CERCAM: variants seen among roughly 807,000 people sequenced by gnomAD.
CERCAM encodes inactive glycosyltransferase 25 family member 3.
CERCAM carries 59 observed loss-of-function variants against 66.0 expected under a neutral mutation model. The observed-to-expected ratio is 0.89, with a 90% CI of 0.73 to 1.11. The LOEUF is 1.11. Ranked by LOEUF, CERCAM falls within the 50% of genes most tolerant of loss-of-function variation. The pLI, the probability that CERCAM is intolerant of heterozygous loss-of-function variation, is 0.00. For synonymous variants in CERCAM, 318 were observed against 343.6 expected, an observed-to-expected ratio of 0.93 and a Z score of 0.83; for missense variants, 840 against 828.3, an observed-to-expected ratio of 1.01 and a Z score of -0.17.
chr9:128,421,390 CCAG>C (rs1833706098), intron 1 of CERCAM: 1 of 1,113,872 alleles, frequency 9.0e-7, no homozygotes, highest in Admixed American at 5.0e-5. Flanking sequence ...CCTTCAGGGC[CCAG>C]CTCAACCCCA....
intron 3 of CERCAM, 25 bp from the exon 4 acceptor site, chr9:128,424,113 A>C (rs1833778488): frequency 6.2e-7 from 1 of 1,609,996 alleles, no homozygotes; most frequent in African/African-American, 1.3e-5. Flanking sequence ...GCAGGGCTGG[A>C]GCCTGTGACG....
chr9:128,423,709 C>G (rs898247547), intron 3 of CERCAM, among the ~76,000 whole-genome samples: 1 of 152,056 alleles, frequency 6.6e-6, no homozygotes. Flanking sequence ...AGAGCCCAGA[C>G]CAGATGTTCA....
intron 9 of CERCAM, among the ~76,000 whole-genome samples, chr9:128,432,439 C>A (rs1392411122): frequency 2.1e-5 from 3 of 145,948 alleles, no homozygotes; most frequent in African/African-American, 7.7e-5. Flanking sequence ...GGCGGGAGTG[C>A]AGTGGCGTGA....
Position 128,431,309 on chromosome 9 carries a change from G to A in CERCAM, c.1203+6G>A, listed in dbSNP as rs1473824515. On this transcript the variant is annotated splice_donor_region_variant and intron_variant, in intron 9 of 12. Transcript: ENST00000372838. ...ATTACTCCATCTGGGAAGAGGTGAG[G>A]GTGCCTGCTTCCTCCATCCACAGCC... 6.8e-6 allele frequency: 11 copies of A among 1,613,916 alleles called. No homozygotes were observed. Among genetic ancestry groups the A allele is most frequent in the Admixed American group, 3.3e-5 (2 of 60,002 alleles).
rs144721980 is a variant in CERCAM at position 128,428,416 on chromosome 9, C to G, written c.881C>G (p.Ala294Gly). 8.7e-6 allele frequency: 14 copies of G among 1,613,940 alleles called. No individual in the cohort carries two copies. In the African/African-American group the frequency reaches 1.9e-4, roughly 22 times the overall value. ...AACTTCATCCACCTGATCTTAGAAG[C>G]ACTAGGTGAGGGCTGGGGAACTGTT... ...RVNFIHLILE[A>G]LVDGPRMQAS... Residue 294 changes from alanine (A) to glycine (G), a missense_variant, in exon 6 of 13, where the codon GCA becomes GGA. Transcript: ENST00000372838.
rs1834070375 is a variant in CERCAM, at chr9:128,434,775, T to TA, written c.1535+163dup. On this transcript the variant is annotated intron_variant, in intron 11 of 12. Transcript: ENST00000372838. The surrounding 1 kb of genome is among the most constrained non-coding windows in gnomAD (Gnocchi z 4.5). Reference sequence around the variant, plus strand: ...ACCAAGGAGTGGCTCAGCCTAGCCTTAGAGTCAGTCCATTCTCGGTGTGTA... The same window carrying TA: ...ACCAAGGAGTGGCTCAGCCTAGCCTTAAGAGTCAGTCCATTCTCGGTGTGTA... Among the ~76,000 whole-genome samples the TA allele has an allele frequency of 6.6e-6, 1 of 152,008 alleles. No individual in the cohort carries two copies. Among genetic ancestry groups the TA allele is most frequent in the Non-Finnish European group, 1.5e-5 (1 of 68,004 alleles).
rs1187490111 is a variant in CERCAM, at chr9:128,431,298, G to A, written c.1198G>A (p.Glu400Lys). ...GCFLSHYSIW[E>K]EVVARGLARV... Reference sequence around the variant, plus strand: ...CTTCCTCAGCCATTACTCCATCTGGGAAGAGGTGAGGGTGCCTGCTTCCTC... The same window carrying A: ...CTTCCTCAGCCATTACTCCATCTGGAAAGAGGTGAGGGTGCCTGCTTCCTC... Residue 400 changes from glutamate to lysine, a missense_variant, in exon 9 of 13, where the codon GAA becomes AAA. Transcript: ENST00000372838. 6.2e-7 allele frequency: 1 copy of A among 1,613,994 alleles called. No homozygotes were observed. The highest frequency in any genetic ancestry group is 2.2e-5 in the East Asian group (1 of 44,882).
intron 8 of CERCAM, chr9:128,430,940 T>G (rs1588625344): frequency 4.7e-6 from 2 of 427,908 alleles, no homozygotes; most frequent in Non-Finnish European, 4.1e-6. Flanking sequence ...ACCTGGGAGG[T>G]AGAGGTTTCA....
chr9:128,423,194 C>G lies in CERCAM; in HGVS notation c.357C>G (p.His119Gln), dbSNP rs768992825. The G allele has an allele frequency of 4.3e-6, 7 of 1,614,116 alleles. No individual in the cohort carries two copies. In the East Asian group the frequency reaches 1.6e-4, roughly 36 times the overall value. ...EGPKHWTKER[H>Q]QFLMELKQEA... ...CCAAGCACTGGACCAAAGAAAGGCA[C>G]CAGTTTCTGATGGAGCTGAAGCAGG... Residue 119 changes from histidine to glutamine, a missense_variant, in exon 3 of 13, where the codon CAC becomes CAG. By Grantham distance (24) the His-to-Gln change is conservative (BLOSUM62 0). Transcript: ENST00000372838.
In CERCAM at chr9:128,434,328, T is replaced by A; in HGVS notation, c.1332-82T>A. 1.2e-6 allele frequency: 2 copies of A among 1,602,854 alleles called. No homozygotes were observed. The highest frequency in any genetic ancestry group is 1.7e-6 in the Non-Finnish European group (2 of 1,172,498). The stretch of plus-strand genomic sequence containing the variant: ...CTGGCCGGCCCATCCCCTGAGAGCC[T>A]GGCCCTGTAGGAGCGGGTGTGGGAG... On this transcript the variant is annotated intron_variant, in intron 10 of 12. Coordinates refer to ENST00000372838, the MANE Select transcript of CERCAM (RefSeq NM_016174.5). This position sits in a 1 kb window ranked among gnomAD's most constrained non-coding sequence, Gnocchi z 4.5.
chr9:128,432,339 T>C (rs1215333010), intron 9 of CERCAM, among the ~76,000 whole-genome samples: 1 of 151,678 alleles, frequency 6.6e-6, no homozygotes. Context: ...GTTGGCTTTT[T>C]TACCGTCCCT....
chr9:128,433,088 G>T (rs1834016937), intron 9 of CERCAM, among the ~76,000 whole-genome samples: 2 of 152,064 alleles, frequency 1.3e-5, no homozygotes, highest in Non-Finnish European at 2.9e-5. Flanking sequence ...GACCATCCTG[G>T]CTAACACGGT....
chr9:128,421,574 C>T (rs1046111266), intron 1 of CERCAM: 8 of 959,900 alleles, frequency 8.3e-6, no homozygotes, highest in Admixed American at 6.2e-5. Context: ...GCCCCCCCAC[C>T]GCCCCCGTGC....
In CERCAM at chr9:128,424,237, T is replaced by G; in HGVS notation, c.526T>G (p.Tyr176Asp). The change falls in exon 4 of 13, where the codon TAC (tyrosine) becomes GAC (aspartate). Residue 176 changes from tyrosine to aspartate, a missense_variant. By Grantham distance (160) the Tyr-to-Asp change is radical (BLOSUM62 -3). Coordinates refer to ENST00000372838, the MANE Select transcript of CERCAM (RefSeq NM_016174.5). ...VVAPMLDSQTYYSNFWCGITP... is the reference protein window; with the variant it reads ...VVAPMLDSQTDYSNFWCGITP... ...GGCCCCAATGCTGGACTCCCAGACC[T>G]ACTACTCCAACTTCTGGTGTGGGAT... 1 of 1,614,118 alleles carries G rather than the reference T, an allele frequency of 6.2e-7. No individual in the cohort carries two copies. Among genetic ancestry groups the G allele is most frequent in the South Asian group, 1.1e-5 (1 of 91,076 alleles).
Position 128,434,349 on chromosome 9 carries a change from G to C in CERCAM, c.1332-61G>C. On this transcript the variant is annotated intron_variant, in intron 10 of 12. Transcript: ENST00000372838. The surrounding 1 kb of genome is among the most constrained non-coding windows in gnomAD (Gnocchi z 4.5). ...AGCCTGGCCCTGTAGGAGCGGGTGT[G>C]GGAGGGTCCCATGACACCCAGGACC... 6.2e-7 allele frequency: 1 copy of C among 1,604,698 alleles called. No homozygotes were observed. Among genetic ancestry groups the C allele is most frequent in the Non-Finnish European group, 8.5e-7 (1 of 1,173,218 alleles).
At chr9:128,426,543 G>A (rs551005647) in intron 5 of CERCAM, among the ~76,000 whole-genome samples, 4 of 151,654 alleles carry the variant, frequency 2.6e-5, no homozygotes, top group Admixed American at 2.6e-4. Flanking sequence ...TGGTGTGAAC[G>A]CAGGAGGCAG....
chr9:128,436,052 GTTGTTGT>G, intron 12 of CERCAM, 147 bp downstream of exon 12: 1 of 1,020,130 alleles, frequency 9.8e-7, no homozygotes, highest in Non-Finnish European at 1.4e-6. Flanking sequence ...GTTTGTTGTT[GTTGTTGT>G]TTGTTTGTTT....
chr9:128,437,135 C>G lies in CERCAM; in HGVS notation c.*287C>G, dbSNP rs1834129652. The G allele has an allele frequency of 6.6e-6, 1 of 152,468 alleles. No homozygotes were observed. The highest frequency in any genetic ancestry group is 2.4e-5 in the African/African-American group (1 of 41,390). 9.4% of individuals were successfully genotyped at this position (152,468 alleles called of 1,614,324 possible). A position where few individuals can be genotyped will look rare whatever the true frequency, so the allele number is the denominator to read the frequency against. On this transcript the variant is annotated 3_prime_UTR_variant, in exon 13 of 13. Coordinates refer to ENST00000372838, the MANE Select transcript of CERCAM (RefSeq NM_016174.5). ...CAGCTTCTGTTTCAAGCTGGGCAGA[C>G]CCCAGGATCCCTTCCCTCCCTAAGG...
chr9:128,423,741 G>C (rs1016916774), intron 3 of CERCAM, among the ~76,000 whole-genome samples: 9 of 152,098 alleles, frequency 5.9e-5, no homozygotes, highest in African/African-American at 2.2e-4. Context: ...TATGTTAAAA[G>C]CTCAGACTAG....
Sources: gnomAD v4.1 joint callset for allele counts (sites outside exome capture counted in the v4.1 genomes callset) on GRCh38, gnomAD v4.1.1 for gene constraint, Gnocchi (gnomAD v3.1) non-coding constraint, MANE v1.5 for transcripts, NCBI Gene and HGNC (gene_info 2026-07-23, HGNC 2026-07-21) for gene names.